FHOD3: variants seen among roughly 807,000 people sequenced by gnomAD.
The protein encoded by FHOD3 is FH1/FH2 domain-containing protein 3.
A neutral mutation model predicts 173.0 loss-of-function variants in FHOD3; 90 were observed. That is an observed-to-expected ratio of 0.52 (90% CI 0.44 to 0.62). The LOEUF is 0.62. Ranked by LOEUF, FHOD3 falls within the 20% of genes least tolerant of loss-of-function variation. The pLI is 0.00. For missense variants in FHOD3, 1,945 were observed against 2,034.7 expected (o/e 0.96, Z 0.85); for synonymous variants, 828 against 823.0 (o/e 1.01, Z -0.10).
chr18:36,422,032 G>A lies in FHOD3; in HGVS notation c.337+49288G>A, dbSNP rs145633459. ...CATATTTAATTTTTTTGAAAAGGTG[G>A]CACATTCACATGGTTGCAACTTTGA... On this transcript the variant is annotated intron_variant, in intron 3 of 28. Coordinates refer to ENST00000590592, the MANE Select transcript of FHOD3 (RefSeq NM_001281740.3). 5.8e-3 allele frequency among the ~76,000 whole-genome samples: 878 copies of A among 152,270 alleles called. 22 individuals carry two copies. The highest frequency in any genetic ancestry group is 0.051 in the Admixed American group (787 of 15,296).
At chr18:36,305,087 T>G (rs1462962235) in intron 1 of FHOD3, among the ~76,000 whole-genome samples, 1 of 152,214 alleles carries the variant, frequency 6.6e-6, no homozygotes, top group African/African-American at 2.4e-5. Context: ...TAAACTTATT[T>G]ATGAATTAAC....
In FHOD3 at chr18:36,673,613, G is replaced by T. The variant is rs1039236550; in HGVS notation, c.1836-7823G>T. ...GGAGAGGCACAAAGAAATGGCTGGA[G>T]ACTATGGGTGAACTTAGCCTGGGAT... On this transcript the variant is annotated intron_variant, in intron 14 of 28. Coordinates refer to ENST00000590592, the MANE Select transcript of FHOD3 (RefSeq NM_001281740.3). Among the ~76,000 whole-genome samples the T allele has an allele frequency of 2.6e-4, 40 of 152,142 alleles. 1 individual carries two copies. The highest frequency in any genetic ancestry group is 2.9e-5 in the Non-Finnish European group (2 of 68,028).
At chr18:36,696,807 C>T (rs17680550) in intron 17 of FHOD3, among the ~76,000 whole-genome samples, 6,537 of 152,290 alleles carry the variant, frequency 0.043, 208 homozygotes, top group East Asian at 0.12. Flanking sequence ...AAGACATACA[C>T]ACGCTCCTGT....
intron 10 of FHOD3, among the ~76,000 whole-genome samples, chr18:36,630,070 T>G (rs1174821511): frequency 4.6e-5 from 7 of 152,158 alleles, no homozygotes; most frequent in Non-Finnish European, 1.0e-4. Context: ...AGATCGTTGG[T>G]TATGTAATCC....
intron 19 of FHOD3, among the ~76,000 whole-genome samples, chr18:36,729,712 T>C (rs1167356283): frequency 1.3e-5 from 2 of 152,176 alleles, no homozygotes; most frequent in Non-Finnish European, 2.9e-5. Context: ...TAAACCTAAG[T>C]ATCTCTAAAG....
chr18:36,601,462 G>T (rs1003860714), intron 7 of FHOD3, among the ~76,000 whole-genome samples: 3 of 151,986 alleles, frequency 2.0e-5, no homozygotes, highest in African/African-American at 7.3e-5. Context: ...CCCACTTCCT[G>T]CCTTCTCAGA....
At chr18:36,462,796 T>C (rs77942226) in intron 3 of FHOD3, among the ~76,000 whole-genome samples, 2,296 of 152,316 alleles carry the variant, frequency 0.015, 59 homozygotes, top group African/African-American at 0.052. Flanking sequence ...AGCTAATTTT[T>C]AAATATATTT....
Position 36,625,551 on chromosome 18 carries a change from C to T in FHOD3, c.998C>T (p.Pro333Leu), listed in dbSNP as rs767351175. 4.0e-6 allele frequency: 6 copies of T among 1,499,700 alleles called. No individual in the cohort carries two copies. The African/African-American group carries it at 7.1e-5, about 18-fold the overall frequency. The allele number at this position is 1,499,700 out of a possible 1,614,324, so 92.9% of individuals were successfully genotyped here. A position where few individuals can be genotyped will look rare whatever the true frequency, so the allele number is the denominator to read the frequency against. The part of the protein sequence containing the change: ...RHEDGDETTE[P>L]PPSGCRDRRR... The stretch of plus-strand genomic sequence containing the variant: ...GAGGATGGCGATGAGACCACGGAGC[C>T]ACCCCCCAGTGGGTGCCGGGACCGG... Residue 333 changes from proline to leucine, a missense_variant, in exon 10 of 29, where the codon CCA becomes CTA. Coordinates refer to ENST00000590592, the MANE Select transcript of FHOD3 (RefSeq NM_001281740.3).
At chr18:36,496,713 G>A (rs1260631868) in intron 3 of FHOD3, among the ~76,000 whole-genome samples, 1 of 152,092 alleles carries the variant, frequency 6.6e-6, no homozygotes, top group African/African-American at 2.4e-5. Flanking sequence ...CGCTAGTATT[G>A]CTCTCGTGAT....
chr18:36,512,675 G>A (rs1344571299), intron 5 of FHOD3, 132 bp downstream of exon 5: 4 of 609,296 alleles, frequency 6.6e-6, no homozygotes, highest in African/African-American at 2.2e-5. Context: ...ACACCCTTTG[G>A]CAAAAAAACA....
At chr18:36,308,110 A>G (rs1192130053) in intron 1 of FHOD3, among the ~76,000 whole-genome samples, 1 of 152,220 alleles carries the variant, frequency 6.6e-6, no homozygotes, top group African/African-American at 2.4e-5. Flanking sequence ...TACTTAATAC[A>G]TATTTGTAAA....
chr18:36,605,748 C>T (rs1174082804), intron 8 of FHOD3, among the ~76,000 whole-genome samples: 2 of 152,084 alleles, frequency 1.3e-5, no homozygotes, highest in African/African-American at 4.8e-5. Flanking sequence ...AATGAGTAAA[C>T]TCCTCTGAGA....
chr18:36,638,863 T>G (rs890138273), intron 10 of FHOD3, among the ~76,000 whole-genome samples: 1 of 152,194 alleles, frequency 6.6e-6, no homozygotes, highest in Non-Finnish European at 1.5e-5. Flanking sequence ...GAGCTTGTCC[T>G]GGTTTAGGAG....
chr18:36,766,393 AAAAGT>A (rs1199801120), intron 27 of FHOD3, among the ~76,000 whole-genome samples: 1 of 152,234 alleles, frequency 6.6e-6, no homozygotes, highest in Non-Finnish European at 1.5e-5. Context: ...TTAGAAAAAT[AAAAGT>A]AAAGTGGTAT....
chr18:36,538,448 C>T (rs771305743), intron 5 of FHOD3, among the ~76,000 whole-genome samples: 22 of 152,156 alleles, frequency 1.4e-4, no homozygotes, highest in Non-Finnish European at 2.5e-4. Context: ...AAGAAAGACA[C>T]AAATCATTAA....
intron 2 of FHOD3, among the ~76,000 whole-genome samples, chr18:36,362,562 G>A (rs1441074815): frequency 6.6e-6 from 1 of 152,190 alleles, no homozygotes; most frequent in East Asian, 1.9e-4. Context: ...CTGGAATACT[G>A]GAGAGGCTAG....
intron 3 of FHOD3, among the ~76,000 whole-genome samples, chr18:36,467,098 C>CA (rs1226402809): frequency 6.6e-6 from 1 of 152,116 alleles, no homozygotes; most frequent in Non-Finnish European, 1.5e-5. Context: ...TCCTGCTGAC[C>CA]AGCGAGTCTC....
chr18:36,512,453 G>A lies in FHOD3; in HGVS notation c.421G>A (p.Val141Met). ...TTCCTGCCAGGATGACAAGGATTTG[G>A]TGCATGAATTTGTAGTGGCTGAAGG... is the stretch of plus-strand genomic sequence containing the variant. ...KQIFQDDKDL[V>M]HEFVVAEGLT... Residue 141 changes from valine to methionine, a missense_variant, in exon 5 of 29, where the codon GTG becomes ATG. By Grantham distance (21) the Val-to-Met change is conservative (BLOSUM62 1). This residue lies in a region of FHOD3 where 245 missense variants were observed against 267.7 expected (regional missense o/e 0.92). Coordinates refer to ENST00000590592, the MANE Select transcript of FHOD3 (RefSeq NM_001281740.3). The A allele has an allele frequency of 6.2e-7, 1 of 1,613,914 alleles. No individual in the cohort carries two copies. The highest frequency in any genetic ancestry group is 8.5e-7 in the Non-Finnish European group (1 of 1,179,910).
intron 5 of FHOD3, among the ~76,000 whole-genome samples, chr18:36,525,888 C>A (rs1395051818): frequency 6.6e-6 from 1 of 152,220 alleles, no homozygotes; most frequent in Non-Finnish European, 1.5e-5. Flanking sequence ...ATGGAGAAGG[C>A]AATTTATAAG....
Sources: allele counts gnomAD v4.1 joint callset (sites outside exome capture counted in the v4.1 genomes callset), GRCh38; gene constraint gnomAD v4.1.1; regional missense constraint gnomAD v4.1.1; transcripts MANE v1.5; gene names NCBI Gene and HGNC (gene_info 2026-07-23, HGNC 2026-07-21).